The following LRRTM4 variants were observed in gnomAD, a reference collection of about 807,000 sequenced individuals.
LRRTM4 encodes leucine rich repeat transmembrane neuronal 4.
LRRTM4 carries 25 observed loss-of-function variants against 47.6 expected under a neutral mutation model. The observed-to-expected ratio is 0.53, with a 90% CI of 0.38 to 0.73. LRRTM4 has a LOEUF of 0.73. Among genes scored for constraint, LRRTM4 ranks in the 30% least tolerant of loss-of-function variants. The pLI is 0.00. For missense variants in LRRTM4, 638 were observed against 713.4 expected, an observed-to-expected ratio of 0.89 and a Z score of 1.20; for synonymous variants, 311 against 269.5, an observed-to-expected ratio of 1.15 and a Z score of -1.51.
intron 3 of LRRTM4, among the ~76,000 whole-genome samples, chr2:76,841,880 C>G (rs1671694516): frequency 6.6e-6 from 1 of 151,990 alleles, no homozygotes; most frequent in Non-Finnish European, 1.5e-5. Context: ...TCTGAAAAAA[C>G]TAGAGAGGAA....
chr2:77,311,593 G>A (rs947614812), intron 3 of LRRTM4, among the ~76,000 whole-genome samples: 8 of 152,148 alleles, frequency 5.3e-5, no homozygotes, highest in Admixed American at 2.6e-4. Context: ...TTTGTAAAGC[G>A]TTTAGCATAG....
chr2:77,082,573 C>T (rs1383690692), intron 3 of LRRTM4, among the ~76,000 whole-genome samples: 1 of 151,944 alleles, frequency 6.6e-6, no homozygotes, highest in Admixed American at 6.6e-5. Context: ...TAGGTCAATG[C>T]AGAAAACTGC....
In LRRTM4 at chr2:76,803,416, A is replaced by G. The variant is rs549403555; in HGVS notation, c.1552-54500T>C. Among the ~76,000 whole-genome samples, 9 of 152,302 alleles carry G rather than the reference A, an allele frequency of 5.9e-5. No individual in the cohort carries two copies. In the South Asian group the frequency reaches 1.7e-3, roughly 28 times the overall value. ...AATGAGATATTACTTTACACCTGGT[A>G]AAATGGCTATTATAAGAAAGACAAA... On this transcript the variant is annotated intron_variant, in intron 3 of 3. Transcript: ENST00000409884.
chr2:77,109,501 G>A (rs1181565396), intron 3 of LRRTM4, among the ~76,000 whole-genome samples: 1 of 152,056 alleles, frequency 6.6e-6, no homozygotes, highest in Non-Finnish European at 1.5e-5. Context: ...ACATGGTCTT[G>A]GAATCCTCAT....
intron 3 of LRRTM4, among the ~76,000 whole-genome samples, chr2:76,936,034 T>C (rs972060366): frequency 1.3e-5 from 2 of 152,174 alleles, no homozygotes; most frequent in African/African-American, 4.8e-5. Context: ...AGTGTGGTGA[T>C]TCCTCAAGGA....
intron 3 of LRRTM4, among the ~76,000 whole-genome samples, chr2:76,954,706 A>C (rs1352762226): frequency 6.6e-6 from 1 of 151,822 alleles, no homozygotes; most frequent in Non-Finnish European, 1.5e-5. Context: ...ATTAGAACTG[A>C]AATGAACATA....
chr2:77,268,720 G>A (rs998776809), intron 3 of LRRTM4, among the ~76,000 whole-genome samples: 4 of 152,014 alleles, frequency 2.6e-5, no homozygotes, highest in African/African-American at 9.7e-5. Context: ...TCTTATAAGG[G>A]CTTAAGTAAT....
chr2:77,030,975 A>C (rs943198062), intron 3 of LRRTM4, among the ~76,000 whole-genome samples: 1 of 152,160 alleles, frequency 6.6e-6, no homozygotes, highest in Non-Finnish European at 1.5e-5. Context: ...ATTGATGTAA[A>C]TATTTTAAGA....
chr2:76,933,185 C>T (rs911863543), intron 3 of LRRTM4, among the ~76,000 whole-genome samples: 13 of 152,074 alleles, frequency 8.5e-5, no homozygotes, highest in African/African-American at 2.9e-4. Flanking sequence ...CAATTCCCTT[C>T]ATCTGAATTT....
chr2:77,278,597 A>G (rs1573186109), intron 3 of LRRTM4, among the ~76,000 whole-genome samples: 2 of 152,126 alleles, frequency 1.3e-5, no homozygotes, highest in South Asian at 4.1e-4. Context: ...AATTGGCAAG[A>G]AAAATTAAAA....
At chr2:76,840,980 G>A (rs1344269737) in intron 3 of LRRTM4, among the ~76,000 whole-genome samples, 1 of 151,364 alleles carries the variant, frequency 6.6e-6, no homozygotes, top group South Asian at 2.1e-4. Flanking sequence ...GCACACGTAT[G>A]TTTATTGTGG....
At chr2:76,817,333 G>C (rs1670930823) in intron 3 of LRRTM4, among the ~76,000 whole-genome samples, 1 of 151,844 alleles carries the variant, frequency 6.6e-6, no homozygotes, top group South Asian at 2.1e-4. Flanking sequence ...CTAAGTTGGA[G>C]GTTTCACTGG....
chr2:76,783,367 C>CT (rs920189683), intron 3 of LRRTM4, among the ~76,000 whole-genome samples: 2 of 152,150 alleles, frequency 1.3e-5, no homozygotes, highest in African/African-American at 2.4e-5. Context: ...TTTTTAAAAA[C>CT]TTTTTTTAAT....
chr2:77,267,722 T>G (rs1199949963), intron 3 of LRRTM4, among the ~76,000 whole-genome samples: 1 of 145,146 alleles, frequency 6.9e-6, no homozygotes, highest in Admixed American at 6.9e-5. Context: ...TAATGCTCCT[T>G]TCAAGTTCAA....
chr2:77,180,860 A>G (rs1673328575), intron 3 of LRRTM4, among the ~76,000 whole-genome samples: 1 of 152,176 alleles, frequency 6.6e-6, no homozygotes, highest in Admixed American at 6.6e-5. Flanking sequence ...CAGACGTTGT[A>G]TGCATACTCT....
At chr2:77,317,279 C>A (rs1222557598) in intron 3 of LRRTM4, among the ~76,000 whole-genome samples, 13 of 152,094 alleles carry the variant, frequency 8.5e-5, no homozygotes, top group African/African-American at 3.1e-4. Context: ...AAATAATGGA[C>A]AAATAATGTG....
At chr2:77,354,167 G>A (rs1425844492) in intron 3 of LRRTM4, among the ~76,000 whole-genome samples, 1 of 152,172 alleles carries the variant, frequency 6.6e-6, no homozygotes, top group African/African-American at 2.4e-5. Flanking sequence ...TATGGCACCA[G>A]TGGTCATGTC....
chr2:77,046,108 G>A (rs902592117), intron 3 of LRRTM4, among the ~76,000 whole-genome samples: 7 of 151,892 alleles, frequency 4.6e-5, no homozygotes, highest in African/African-American at 7.2e-5. Context: ...TTCTTCTCTT[G>A]TATTACCTGT....
intron 3 of LRRTM4, among the ~76,000 whole-genome samples, chr2:76,793,613 G>C (rs936805954): frequency 1.3e-5 from 2 of 151,872 alleles, no homozygotes; most frequent in African/African-American, 2.4e-5. Context: ...GGTAAGTTAA[G>C]TTTTGAGGGC....
Sources: gnomAD v4.1 joint callset for allele counts (sites outside exome capture counted in the v4.1 genomes callset) on GRCh38, gnomAD v4.1.1 for gene constraint, MANE v1.5 for transcripts, NCBI Gene and HGNC (gene_info 2026-07-23, HGNC 2026-07-21) for gene names.